SYNDIG1: variants seen among roughly 807,000 people sequenced by gnomAD.
SYNDIG1 encodes synapse differentiation inducing 1.
A neutral mutation model predicts 19.4 loss-of-function variants in SYNDIG1; 9 were observed. That is an observed-to-expected ratio of 0.46 (90% CI 0.28 to 0.81). SYNDIG1 has a LOEUF of 0.81. Ranked by LOEUF, SYNDIG1 falls within the 30% of genes least tolerant of loss-of-function variation. SYNDIG1 has a pLI of 0.12. For synonymous variants in SYNDIG1, 141 were observed against 145.9 expected (o/e 0.97, Z 0.24); for missense variants, 311 against 343.3 (o/e 0.91, Z 0.74).
At chr20:24,582,410 C>T (rs1398651343) in intron 2 of SYNDIG1, among the ~76,000 whole-genome samples, 11 of 143,484 alleles carry the variant, frequency 7.7e-5, no homozygotes, top group South Asian at 2.4e-4. Flanking sequence ...ATGTCCTCCC[C>T]GCTGCACATC....
chr20:24,563,443 A>G (rs1293563105), intron 2 of SYNDIG1, among the ~76,000 whole-genome samples: 2 of 152,206 alleles, frequency 1.3e-5, no homozygotes, highest in Admixed American at 6.5e-5. Context: ...GAAACTCACC[A>G]AATCACTAGA....
chr20:24,498,490 T>C (rs1480057165), intron 1 of SYNDIG1, among the ~76,000 whole-genome samples: 1 of 152,224 alleles, frequency 6.6e-6, no homozygotes, highest in African/African-American at 2.4e-5. Context: ...TTTGTGCCTC[T>C]TGACCAACAC....
intron 2 of SYNDIG1, among the ~76,000 whole-genome samples, chr20:24,565,004 CT>C (rs1410935728): frequency 1.3e-5 from 2 of 152,190 alleles, no homozygotes; most frequent in African/African-American, 4.8e-5. Context: ...AAGAATAAAT[CT>C]TCAGAAAATG....
rs1488946556 is a variant in SYNDIG1 at position 24,658,466 on chromosome 20, G to A, written c.619-6880G>A. 4.6e-5 allele frequency among the ~76,000 whole-genome samples: 7 copies of A among 152,080 alleles called. No homozygotes were observed. Among genetic ancestry groups the A allele is most frequent in the Admixed American group, 4.6e-4 (7 of 15,272 alleles). The stretch of plus-strand genomic sequence containing the variant: ...GACCCCTGAAGTGGACAGGCGCTCT[G>A]GCCGTACCCTGGGGGGTGAAAGCCC... On this transcript the variant is annotated intron_variant, in intron 3 of 3. Coordinates refer to ENST00000376862, the MANE Select transcript of SYNDIG1 (RefSeq NM_024893.3). The surrounding 1 kb of genome is among the most constrained non-coding windows in gnomAD (Gnocchi z 4.4).
chr20:24,542,654 G>A (rs2057490183), intron 1 of SYNDIG1, among the ~76,000 whole-genome samples: 1 of 152,200 alleles, frequency 6.6e-6, no homozygotes, highest in Admixed American at 6.5e-5. Context: ...TTACAGATTT[G>A]CAGTTCTGTT....
chr20:24,587,032 CT>C (rs1377396015), intron 3 of SYNDIG1, among the ~76,000 whole-genome samples: 1 of 152,200 alleles, frequency 6.6e-6, no homozygotes, highest in African/African-American at 2.4e-5. Flanking sequence ...GCCTCTTAGG[CT>C]TGGGTCTGAG....
At chr20:24,647,272 A>C (rs1321922922) in intron 3 of SYNDIG1, among the ~76,000 whole-genome samples, 1 of 152,182 alleles carries the variant, frequency 6.6e-6, no homozygotes, top group Non-Finnish European at 1.5e-5. Context: ...ATATGAACAC[A>C]CAGGCAGGGC....
chr20:24,499,979 G>A (rs954102976), intron 1 of SYNDIG1, among the ~76,000 whole-genome samples: 3 of 152,036 alleles, frequency 2.0e-5, no homozygotes, highest in Admixed American at 1.3e-4. Flanking sequence ...TGCTCACTCC[G>A]TACCCACTCA....
chr20:24,510,662 T>C (rs999828398), intron 1 of SYNDIG1, among the ~76,000 whole-genome samples: 1 of 152,204 alleles, frequency 6.6e-6, no homozygotes, highest in African/African-American at 2.4e-5. Context: ...TAGTGTGGGA[T>C]AGCTTTAATT....
intron 3 of SYNDIG1, among the ~76,000 whole-genome samples, chr20:24,590,681 A>G (rs961256339): frequency 6.6e-6 from 1 of 152,100 alleles, no homozygotes; most frequent in Non-Finnish European, 1.5e-5. Context: ...CTGCAGCCGG[A>G]TAGGCAGCAC....
At chr20:24,601,785 A>G (rs2058682886) in intron 3 of SYNDIG1, among the ~76,000 whole-genome samples, 1 of 152,172 alleles carries the variant, frequency 6.6e-6, no homozygotes, top group African/African-American at 2.4e-5. Context: ...TCCAGCTTGA[A>G]TGATACCCTT....
chr20:24,471,763 T>C (rs1036079550), intron 1 of SYNDIG1, among the ~76,000 whole-genome samples: 2 of 152,180 alleles, frequency 1.3e-5, no homozygotes, highest in African/African-American at 4.8e-5. Flanking sequence ...GGTAGAGTTT[T>C]GGAGGCCACA....
chr20:24,625,238 AT>A (rs2059105240), intron 3 of SYNDIG1, among the ~76,000 whole-genome samples: 1 of 152,206 alleles, frequency 6.6e-6, no homozygotes, highest in East Asian at 1.9e-4. Flanking sequence ...ACAAAACCAA[AT>A]GTCAGTTCTT....
intron 3 of SYNDIG1, among the ~76,000 whole-genome samples, chr20:24,602,361 C>G (rs2058691564): frequency 6.6e-6 from 1 of 152,164 alleles, no homozygotes; most frequent in South Asian, 2.1e-4. Context: ...ACAAAAAATT[C>G]AAGACCATCT....
At position 24,632,349 on chromosome 20, in the gene SYNDIG1, T is replaced by C. The variant is rs559660881; in HGVS notation, c.619-32997T>C. On this transcript the variant is annotated intron_variant, in intron 3 of 3. Coordinates refer to ENST00000376862, the MANE Select transcript of SYNDIG1 (RefSeq NM_024893.3). ...CTGCCCCTCAGGTTCAAGTGATTCTTGTGCCTCAGCCTCCTGAGTAGCTGG... is the reference window on the plus strand; with the variant it reads ...CTGCCCCTCAGGTTCAAGTGATTCTCGTGCCTCAGCCTCCTGAGTAGCTGG... Among the ~76,000 whole-genome samples, 433 of 152,312 alleles carry C rather than the reference T, an allele frequency of 2.8e-3. 3 individuals carry two copies. The highest frequency in any genetic ancestry group is 4.6e-3 in the Non-Finnish European group (312 of 68,022).
intron 3 of SYNDIG1, among the ~76,000 whole-genome samples, chr20:24,641,754 G>A (rs2059379349): frequency 6.6e-6 from 1 of 152,124 alleles, no homozygotes; most frequent in Non-Finnish European, 1.5e-5. Context: ...CACGGAGTGT[G>A]CAGCAGGGTG....
At chr20:24,493,480 C>A (rs576239359) in intron 1 of SYNDIG1, among the ~76,000 whole-genome samples, 2 of 152,368 alleles carry the variant, frequency 1.3e-5, no homozygotes, top group Non-Finnish European at 2.9e-5. Flanking sequence ...TGGGCACACA[C>A]ACATCCACAT....
In SYNDIG1 at chr20:24,578,452, A is replaced by G. The variant is rs574229911; in HGVS notation, c.481-6404A>G. On this transcript the variant is annotated intron_variant, in intron 2 of 3. Coordinates refer to ENST00000376862, the MANE Select transcript of SYNDIG1 (RefSeq NM_024893.3). ...GCGAGACTCTGTATCAAAAAAAAAA[A>G]AAAGAAAGAAAGAAAAAGAAAAGAA... 1.7e-3 allele frequency among the ~76,000 whole-genome samples: 255 copies of G among 149,910 alleles called. 1 individual carries two copies. The highest frequency in any genetic ancestry group is 6.2e-3 in the African/African-American group (247 of 39,602).
intron 2 of SYNDIG1, among the ~76,000 whole-genome samples, chr20:24,566,224 G>C (rs899104346): frequency 1.3e-5 from 2 of 152,180 alleles, no homozygotes; most frequent in African/African-American, 4.8e-5. Context: ...TGTGCAGGGA[G>C]CAGCCACAGG....
Sources: allele counts gnomAD v4.1 joint callset (sites outside exome capture counted in the v4.1 genomes callset), GRCh38; gene constraint gnomAD v4.1.1; non-coding constraint Gnocchi (gnomAD v3.1); transcripts MANE v1.5; gene names NCBI Gene and HGNC (gene_info 2026-07-23, HGNC 2026-07-21).